NFIC: variants seen among roughly 807,000 people sequenced by gnomAD.
The protein encoded by NFIC is nuclear factor I C.
Under a neutral mutation model 54.4 loss-of-function variants are expected in NFIC, and 12 were observed. That is an observed-to-expected ratio of 0.22 (90% CI 0.14 to 0.36). The LOEUF (loss-of-function observed/expected upper bound fraction) is 0.36, where lower values mean the gene tolerates loss of function less well. NFIC is among the 10% of genes least tolerant of loss of function. The probability of loss-of-function intolerance (pLI) is 1.00; values close to 1 mark genes in which losing one functional copy is unlikely to be tolerated. For missense variants in NFIC, 575 were observed against 718.2 expected, an observed-to-expected ratio of 0.80 and a Z score of 2.28; for synonymous variants, 322 against 319.2, an observed-to-expected ratio of 1.01 and a Z score of -0.09.
At chr19:3,437,973 G>A (rs1422387286) in intron 6 of NFIC, among the ~76,000 whole-genome samples, 2 of 152,078 alleles carry the variant, frequency 1.3e-5, no homozygotes, top group African/African-American at 4.8e-5. Flanking sequence ...TGGCATTACA[G>A]GTGTGAGCCA....
In NFIC at chr19:3,444,990, T is replaced by C. The variant is rs115794884; in HGVS notation, c.959-4024T>C. On this transcript the variant is annotated intron_variant, in intron 6 of 10. Transcript: ENST00000443272. ...ATGCATATATTCACGTGCACACGCA[T>C]GTGCGCATTCACACACATAGACACG... 4.2e-3 allele frequency among the ~76,000 whole-genome samples: 643 copies of C among 152,218 alleles called. 7 individuals carry two copies. The highest frequency in any genetic ancestry group is 0.015 in the African/African-American group (610 of 41,518).
At chr19:3,378,336 TC>T (rs1251813435) in intron 1 of NFIC, among the ~76,000 whole-genome samples, 1 of 151,210 alleles carries the variant, frequency 6.6e-6, no homozygotes, top group Non-Finnish European at 1.5e-5. Flanking sequence ...GCTCAAGTGA[TC>T]CACCCACCTC....
chr19:3,457,398 G>C (rs887569520), intron 10 of NFIC, among the ~76,000 whole-genome samples: 2 of 152,140 alleles, frequency 1.3e-5, no homozygotes, highest in African/African-American at 4.8e-5. Context: ...TCTAGGGAGT[G>C]GGGGCGTGGG....
intron 1 of NFIC, among the ~76,000 whole-genome samples, chr19:3,360,323 C>T (rs577734275): frequency 2.7e-5 from 4 of 148,724 alleles, no homozygotes; most frequent in South Asian, 2.1e-4. Context: ...CCGCCCCCGC[C>T]CCGCCCCTCG....
chr19:3,381,626 C>A lies in NFIC; in HGVS notation c.31-86C>A, dbSNP rs557810668. 4 of 1,510,086 alleles carry A rather than the reference C, an allele frequency of 2.6e-6. No homozygotes were observed. The South Asian group carries it at 5.2e-5, about 20-fold the overall frequency. The allele number at this position is 1,510,086 out of a possible 1,614,324, so 93.5% of individuals were successfully genotyped here. A position where few individuals can be genotyped will look rare whatever the true frequency, so the allele number is the denominator to read the frequency against. Reference sequence around the variant, plus strand: ...CCACTCTGCGGGTCTGTTCAGGGCCCCTCCGACCTCAGCCTTCGGGGCCGG... The same window carrying A: ...CCACTCTGCGGGTCTGTTCAGGGCCACTCCGACCTCAGCCTTCGGGGCCGG... On this transcript the variant is annotated intron_variant, in intron 1 of 10. Coordinates refer to ENST00000443272, the MANE Select transcript of NFIC (RefSeq NM_001245002.2).
At chr19:3,387,450 C>T (rs549750148) in intron 2 of NFIC, among the ~76,000 whole-genome samples, 4 of 152,098 alleles carry the variant, frequency 2.6e-5, no homozygotes, top group South Asian at 4.2e-4. Flanking sequence ...GAGCCAAGAT[C>T]GCGACACTGC....
At chr19:3,422,116 G>A (rs180951569) in intron 2 of NFIC, among the ~76,000 whole-genome samples, 1 of 151,992 alleles carries the variant, frequency 6.6e-6, no homozygotes, top group Non-Finnish European at 1.5e-5. Context: ...TTGTATTTTT[G>A]GTAGAGATGG....
intron 2 of NFIC, among the ~76,000 whole-genome samples, chr19:3,394,359 G>A (rs1301840669): frequency 2.0e-5 from 3 of 151,688 alleles, no homozygotes; most frequent in African/African-American, 2.4e-5. Context: ...GTGAACCTGC[G>A]GTCCCAGCTA....
In NFIC at chr19:3,467,781, A is replaced by ATATATATATATATATATATATATG. The variant is rs1244660084; in HGVS notation, c.*5020_*5021insTATATATATATATATGTATATATA. 69 of 135,120 alleles carry ATATATATATATATATATATATATG rather than the reference A, an allele frequency of 5.1e-4. 1 individual carries two copies. Among genetic ancestry groups the ATATATATATATATATATATATATG allele is most frequent in the African/African-American group, 1.9e-3 (63 of 33,152 alleles). The allele number at this position is 135,120 out of a possible 1,614,324, so 8.4% of individuals were successfully genotyped here. On this transcript the variant is annotated 3_prime_UTR_variant, in exon 11 of 11. Coordinates refer to ENST00000443272, the MANE Select transcript of NFIC (RefSeq NM_001245002.2). The stretch of plus-strand genomic sequence containing the variant: ...TACATATATATATATATATATATAT[A>ATATATATATATATATATATATATG]TATATATAATTTTGGAATTTGTTTC...
At position 3,447,813 on chromosome 19, in the gene NFIC, T is replaced by A. The variant is rs2082395475; in HGVS notation, c.959-1201T>A. On this transcript the variant is annotated intron_variant, in intron 6 of 10. Coordinates refer to ENST00000443272, the MANE Select transcript of NFIC (RefSeq NM_001245002.2). ...CCTGCTTCCCCCACACCCAGGGGCT[T>A]TCCAGGGGGTGCCTGGAGGGGGAGG... Among the ~76,000 whole-genome samples, 2 of 152,338 alleles carry A rather than the reference T, an allele frequency of 1.3e-5. 1 individual carries two copies. The highest frequency in any genetic ancestry group is 4.1e-4 in the South Asian group (2 of 4,830).
chr19:3,436,505 T>C (rs1294192615), intron 6 of NFIC, among the ~76,000 whole-genome samples: 1 of 148,400 alleles, frequency 6.7e-6, no homozygotes, highest in Non-Finnish European at 1.5e-5. Context: ...AGATGGAGTC[T>C]TGCTCTGTCA....
At chr19:3,461,780 G>A (rs1341847532) in intron 10 of NFIC, among the ~76,000 whole-genome samples, 3 of 144,740 alleles carry the variant, frequency 2.1e-5, no homozygotes, top group Non-Finnish European at 4.5e-5. Context: ...TAAAGGCCAG[G>A]CAGAGTGGCT....
chr19:3,457,136 C>T (rs1467480234), intron 10 of NFIC, among the ~76,000 whole-genome samples: 1 of 152,198 alleles, frequency 6.6e-6, no homozygotes, highest in Non-Finnish European at 1.5e-5. Flanking sequence ...AGCCCCCACC[C>T]CAGGCTTCAG....
At chr19:3,395,597 A>G (rs1007754659) in intron 2 of NFIC, among the ~76,000 whole-genome samples, 1 of 151,544 alleles carries the variant, frequency 6.6e-6, no homozygotes, top group African/African-American at 2.4e-5. Context: ...CTCAGGCTCA[A>G]GGGATCCTCC....
intron 2 of NFIC, among the ~76,000 whole-genome samples, chr19:3,406,710 C>G (rs936346774): frequency 6.6e-6 from 1 of 151,882 alleles, no homozygotes; most frequent in Non-Finnish European, 1.5e-5. Flanking sequence ...TGCAACGTAA[C>G]TGGACACACA....
chr19:3,422,711 T>C (rs1971013), intron 2 of NFIC, among the ~76,000 whole-genome samples: 137,356 of 151,410 alleles, frequency 0.91, 62,380 homozygotes, highest in East Asian at 0.93. Context: ...AGCGAGACTC[T>C]GTCTCAAAAA....
chr19:3,432,701 T>C lies in NFIC; in HGVS notation c.635-817T>C, dbSNP rs1436855665. ...TTTTTTTTTTTTTGAGATGGAGTCT[T>C]GCTCTGTTGCCCAGGCTGGATGGAG... is the stretch of plus-strand genomic sequence containing the variant. On this transcript the variant is annotated intron_variant, in intron 3 of 10. Transcript: ENST00000443272. Among the ~76,000 whole-genome samples the C allele has an allele frequency of 4.7e-5, 7 of 149,356 alleles. No individual in the cohort carries two copies. In the East Asian group the frequency reaches 1.4e-3, roughly 29 times the overall value.
chr19:3,362,956 A>C (rs1305548637), upstream of NFIC, among the ~76,000 whole-genome samples: 1 of 152,076 alleles, frequency 6.6e-6, no homozygotes, highest in African/African-American at 2.4e-5. Context: ...ATTGCATTCA[A>C]CTTTTTAAGT....
At chr19:3,446,155 A>T (rs775356172) in intron 6 of NFIC, among the ~76,000 whole-genome samples, 1 of 152,202 alleles carries the variant, frequency 6.6e-6, no homozygotes, top group Non-Finnish European at 1.5e-5. Flanking sequence ...GACAGGGCAG[A>T]CGGTAGAAAC....
Sources: allele counts gnomAD v4.1 joint callset (sites outside exome capture counted in the v4.1 genomes callset), GRCh38; gene constraint gnomAD v4.1.1; transcripts MANE v1.5; gene names NCBI Gene and HGNC (gene_info 2026-07-23, HGNC 2026-07-21).